RNLS: variants seen among roughly 807,000 people sequenced by gnomAD.
The protein encoded by RNLS is renalase, FAD dependent amine oxidase.
A neutral mutation model predicts 39.8 loss-of-function variants in RNLS; 39 were observed. The ratio of observed to expected loss-of-function variants is 0.98; its 90% CI spans 0.76 to 1.28. The LOEUF (loss-of-function observed/expected upper bound fraction) is 1.28. RNLS is among the 50% of genes most tolerant of loss of function. RNLS has a pLI of 0.00. For missense variants in RNLS, 410 were observed against 413.3 expected, an observed-to-expected ratio of 0.99 and a Z score of 0.07; for synonymous variants, 147 against 150.7, an observed-to-expected ratio of 0.98 and a Z score of 0.18.
At chr10:88,331,970 T>G (rs1847151619) in intron 5 of RNLS, among the ~76,000 whole-genome samples, 1 of 152,146 alleles carries the variant, frequency 6.6e-6, no homozygotes, top group African/African-American at 2.4e-5. Flanking sequence ...GTAAACATGC[T>G]CCTGATGTCT....
At chr10:88,230,330 C>T in the RNLS span, among the ~76,000 whole-genome samples, 3 of 152,130 alleles carry the variant, frequency 2.0e-5, no homozygotes, top group East Asian at 5.8e-4. Flanking sequence ...TTTTCTTTCT[C>T]CTGACCCGTG....
intron 4 of RNLS, among the ~76,000 whole-genome samples, chr10:88,461,854 G>C (rs1255287286): frequency 1.3e-5 from 2 of 151,962 alleles, no homozygotes; most frequent in Admixed American, 6.6e-5. Flanking sequence ...GTAACAGATA[G>C]GATCTACTCA....
At chr10:88,291,389 A>T (rs1589470728) in intron 6 of RNLS, among the ~76,000 whole-genome samples, 2 of 152,190 alleles carry the variant, frequency 1.3e-5, no homozygotes, top group African/African-American at 2.4e-5. Flanking sequence ...AGGAAGGTAA[A>T]TGTACCAATT....
intron 5 of RNLS, among the ~76,000 whole-genome samples, chr10:88,348,813 A>G: frequency 6.6e-6 from 1 of 152,184 alleles, no homozygotes; most frequent in East Asian, 1.9e-4. Context: ...ACAGAAGACC[A>G]TAACTTTTCC....
At chr10:88,450,472 G>A (rs1362149180) in intron 4 of RNLS, among the ~76,000 whole-genome samples, 4 of 152,132 alleles carry the variant, frequency 2.6e-5, no homozygotes, top group African/African-American at 9.7e-5. Flanking sequence ...GAGAGCAGCT[G>A]AGAGGTTTTC....
chr10:88,271,675 G>A (rs1181308963), downstream of RNLS, among the ~76,000 whole-genome samples: 1 of 152,070 alleles, frequency 6.6e-6, no homozygotes, highest in Non-Finnish European at 1.5e-5. Flanking sequence ...ACCCCGTCCG[G>A]TTTCATTTTT....
chr10:88,536,401 T>C (rs1838879661), intron 4 of RNLS, among the ~76,000 whole-genome samples: 2 of 152,216 alleles, frequency 1.3e-5, no homozygotes, highest in Admixed American at 6.6e-5. Flanking sequence ...CACTTTCCAG[T>C]CTTGCCACCT....
the RNLS span, among the ~76,000 whole-genome samples, chr10:88,208,758 T>C: frequency 2.0e-5 from 3 of 152,168 alleles, no homozygotes; most frequent in East Asian, 3.9e-4. Context: ...ACTACACAAA[T>C]CTTGGAGAGT....
intron 4 of RNLS, among the ~76,000 whole-genome samples, chr10:88,458,128 C>T (rs1485299450): frequency 3.3e-5 from 5 of 152,162 alleles, no homozygotes; most frequent in Non-Finnish European, 5.9e-5. Context: ...GGTTGGATGC[C>T]ACCCCATCTC....
chr10:88,294,594 G>A (rs2132908114), intron 6 of RNLS, among the ~76,000 whole-genome samples: 1 of 152,180 alleles, frequency 6.6e-6, no homozygotes, highest in South Asian at 2.1e-4. Flanking sequence ...CCAACAAAAT[G>A]TTGCTAATTC....
chr10:88,221,230 A>G, the RNLS span, among the ~76,000 whole-genome samples: 1 of 152,230 alleles, frequency 6.6e-6, no homozygotes, highest in Admixed American at 6.5e-5. Context: ...GGTTTAGCCT[A>G]GCCAAGCTTG....
At chr10:88,441,180 C>T (rs536658446) in intron 4 of RNLS, among the ~76,000 whole-genome samples, 3 of 152,114 alleles carry the variant, frequency 2.0e-5, no homozygotes, top group Non-Finnish European at 4.4e-5. Context: ...TGCCTATTAA[C>T]GTGCTTTTGG....
At chr10:88,561,411 T>A (rs553592555) in intron 4 of RNLS, among the ~76,000 whole-genome samples, 1 of 152,288 alleles carries the variant, frequency 6.6e-6, no homozygotes, top group East Asian at 1.9e-4. Context: ...ATATGGAATT[T>A]AACATACGGC....
intron 6 of RNLS, among the ~76,000 whole-genome samples, chr10:88,288,435 C>T (rs1187289744): frequency 6.6e-6 from 1 of 152,078 alleles, no homozygotes; most frequent in Non-Finnish European, 1.5e-5. Flanking sequence ...TAGCTTTAGG[C>T]ATCTGGAAAA....
At chr10:88,217,115 A>T in the RNLS span, among the ~76,000 whole-genome samples, 1 of 152,196 alleles carries the variant, frequency 6.6e-6, no homozygotes, top group South Asian at 2.1e-4. Flanking sequence ...TGGGGTGGTT[A>T]TTAAACAAGC....
At chr10:88,532,041 G>A (rs1847456817) in intron 4 of RNLS, among the ~76,000 whole-genome samples, 1 of 152,092 alleles carries the variant, frequency 6.6e-6, no homozygotes, top group South Asian at 2.1e-4. Context: ...TCAAGTCTTA[G>A]TTGAGTGAAG....
the RNLS span, among the ~76,000 whole-genome samples, chr10:88,186,574 A>G: frequency 3.9e-4 from 59 of 152,226 alleles, no homozygotes; most frequent in Non-Finnish European, 1.0e-4. Flanking sequence ...ACACCCATTC[A>G]GTGCCATACA....
At chr10:88,454,294 C>A (rs1342455) in intron 4 of RNLS, among the ~76,000 whole-genome samples, 27,552 of 152,184 alleles carry the variant, frequency 0.18, 2,746 homozygotes, top group Middle Eastern at 0.29. Context: ...GGCCTTGGTG[C>A]CATTTTCCAG....
At chr10:88,474,076 A>G (rs1843682648) in intron 4 of RNLS, among the ~76,000 whole-genome samples, 1 of 152,220 alleles carries the variant, frequency 6.6e-6, no homozygotes, top group Admixed American at 6.5e-5. Flanking sequence ...ACATTCAATC[A>G]GGAAATTAGT....
Sources: gnomAD v4.1 joint callset for allele counts (sites outside exome capture counted in the v4.1 genomes callset) on GRCh38, gnomAD v4.1.1 for gene constraint, MANE v1.5 for transcripts, NCBI Gene and HGNC (gene_info 2026-07-23, HGNC 2026-07-21) for gene names.